HOMER2: variants seen among roughly 807,000 people sequenced by gnomAD.
HOMER2 encodes homer scaffold protein 2, also known as homer protein homolog 2.
Under a neutral mutation model 47.0 loss-of-function variants are expected in HOMER2, and 27 were observed. That is an observed-to-expected ratio of 0.57 (90% confidence interval 0.42 to 0.79). The LOEUF (loss-of-function observed/expected upper bound fraction) is 0.79. Ranked by LOEUF, HOMER2 falls within the 30% of genes least tolerant of loss-of-function variation. The probability of loss-of-function intolerance (pLI) is 0.00; values close to 1 mark genes in which losing one functional copy is unlikely to be tolerated. For missense variants in HOMER2, 443 were observed against 435.0 expected (o/e 1.02, Z -0.16); for synonymous variants, 161 against 163.8 (o/e 0.98, Z 0.13).
chr15:82,979,330 T>G (rs992415572), intron 1 of HOMER2, among the ~76,000 whole-genome samples: 3 of 152,188 alleles, frequency 2.0e-5, no homozygotes, highest in Admixed American at 6.5e-5. Context: ...ACTAAGGAGC[T>G]TGGATTGTAT....
chr15:82,918,174 G>A (rs17294476), intron 1 of HOMER2, among the ~76,000 whole-genome samples: 21,188 of 152,030 alleles, frequency 0.14, 1,614 homozygotes, highest in Middle Eastern at 0.28. Flanking sequence ...AAAATCTAAC[G>A]CTTGACCCTA....
intron 1 of HOMER2, among the ~76,000 whole-genome samples, chr15:82,968,838 G>T (rs961787707): frequency 3.3e-5 from 5 of 152,144 alleles, no homozygotes; most frequent in African/African-American, 1.2e-4. Context: ...TTTCAGCTTC[G>T]AGGCTGATCA....
rs112139336 is a variant in HOMER2, at chr15:82,876,961, A to G, written c.163-1557T>C. Among the ~76,000 whole-genome samples the G allele has an allele frequency of 6.5e-4, 99 of 152,312 alleles. 1 individual carries two copies. The highest frequency in any genetic ancestry group is 2.3e-3 in the African/African-American group (94 of 41,562). ...CATTTATCTATCTATCAGACTATTG[A>G]GTTTGCTGATAAGCCACTGGCTCAA... is the stretch of plus-strand genomic sequence containing the variant. On this transcript the variant is annotated intron_variant, in intron 2 of 8. Transcript: ENST00000450735.
chr15:82,920,446 C>T lies in HOMER2; in HGVS notation c.6-27605G>A, dbSNP rs1234113012. On this transcript the variant is annotated intron_variant, in intron 1 of 8. Transcript: ENST00000450735. ...GTTGACTGGGCTGAAACCAAGGTGT[C>T]GCCAGGGCCATGCTGCCTCCAGAGG... Among the ~76,000 whole-genome samples, 7 of 152,158 alleles carry T rather than the reference C, an allele frequency of 4.6e-5. No individual in the cohort carries two copies. The South Asian group carries it at 1.2e-3, about 27-fold the overall frequency.
intron 2 of HOMER2, among the ~76,000 whole-genome samples, chr15:82,881,040 G>A (rs1410860583): frequency 6.6e-6 from 1 of 152,172 alleles, no homozygotes; most frequent in Non-Finnish European, 1.5e-5. Flanking sequence ...CTGGGGGAAG[G>A]AACCAAAGCC....
chr15:82,873,669 C>T (rs1368926919), intron 3 of HOMER2, among the ~76,000 whole-genome samples: 1 of 152,194 alleles, frequency 6.6e-6, no homozygotes, highest in Non-Finnish European at 1.5e-5. Context: ...GAGGTTTTAG[C>T]ACCCAGGAAA....
chr15:82,927,660 C>G (rs1360442138), intron 1 of HOMER2, among the ~76,000 whole-genome samples: 1 of 152,146 alleles, frequency 6.6e-6, no homozygotes, highest in Admixed American at 6.5e-5. Flanking sequence ...AATGGAGGAG[C>G]AAAGTTAGGA....
At chr15:82,874,287 C>T (rs2052272383) in intron 3 of HOMER2, among the ~76,000 whole-genome samples, 1 of 152,320 alleles carries the variant, frequency 6.6e-6, no homozygotes, top group East Asian at 1.9e-4. Context: ...CCTGGGTTTG[C>T]AGCTCTCTCC....
intron 2 of HOMER2, among the ~76,000 whole-genome samples, chr15:82,878,212 G>A (rs1266086968): frequency 6.6e-6 from 1 of 152,184 alleles, no homozygotes; most frequent in Non-Finnish European, 1.5e-5. Context: ...CAGAGTATAG[G>A]ATATGGCTCT....
intron 1 of HOMER2, among the ~76,000 whole-genome samples, chr15:82,980,678 C>G (rs777308304): frequency 3.3e-5 from 5 of 152,136 alleles, no homozygotes; most frequent in Non-Finnish European, 7.3e-5. Context: ...AGTGGACAAT[C>G]ATGAGAAACT....
At chr15:82,921,457 T>C (rs770188317) in intron 1 of HOMER2, among the ~76,000 whole-genome samples, 10 of 152,140 alleles carry the variant, frequency 6.6e-5, no homozygotes, top group Non-Finnish European at 1.3e-4. Context: ...TCTGAGCTGA[T>C]ACCATGCTTC....
At chr15:82,874,008 T>C (rs942046888) in intron 3 of HOMER2, among the ~76,000 whole-genome samples, 3 of 152,176 alleles carry the variant, frequency 2.0e-5, no homozygotes, top group Admixed American at 6.5e-5. Context: ...AATTTCCCCC[T>C]CTTTGAAAAC....
At chr15:82,904,134 C>CAAAACAAA (rs1429201182) in intron 1 of HOMER2, among the ~76,000 whole-genome samples, 3 of 151,920 alleles carry the variant, frequency 2.0e-5, no homozygotes, top group Non-Finnish European at 4.4e-5. Flanking sequence ...GAGACTGGCT[C>CAAAACAAA]AAAACAAAAA....
chr15:82,969,191 C>T (rs147648912), intron 1 of HOMER2, among the ~76,000 whole-genome samples: 89 of 152,276 alleles, frequency 5.8e-4, no homozygotes, highest in African/African-American at 1.9e-3. Flanking sequence ...GGAAAACAGC[C>T]TACTGCATGG....
chr15:82,903,405 G>C (rs922987445), intron 1 of HOMER2, among the ~76,000 whole-genome samples: 6 of 152,026 alleles, frequency 3.9e-5, no homozygotes, highest in African/African-American at 1.4e-4. Context: ...CTGAGGTCGG[G>C]AGTTTGAGAC....
intron 2 of HOMER2, among the ~76,000 whole-genome samples, chr15:82,879,155 G>T (rs1334207188): frequency 6.6e-6 from 1 of 152,170 alleles, no homozygotes; most frequent in Non-Finnish European, 1.5e-5. Flanking sequence ...GACTCTGGGA[G>T]TATTCTCCTT....
At chr15:82,985,151 A>T (rs146040881) in intron 1 of HOMER2, among the ~76,000 whole-genome samples, 9 of 152,368 alleles carry the variant, frequency 5.9e-5, no homozygotes, top group African/African-American at 2.2e-4. Flanking sequence ...TAATTTATGC[A>T]TGACGTACTT....
intron 3 of HOMER2, among the ~76,000 whole-genome samples, chr15:82,873,310 G>A (rs911560545): frequency 2.0e-5 from 3 of 152,138 alleles, no homozygotes; most frequent in Admixed American, 6.5e-5. Flanking sequence ...ACTGTGGACC[G>A]CCATGCCTCT....
At chr15:82,852,371 A>G (rs910340293) in intron 6 of HOMER2, 119 bp from the exon 7 acceptor site, 24 of 706,656 alleles carry the variant, frequency 3.4e-5, no homozygotes, top group Non-Finnish European at 4.9e-5. Context: ...TAATCCACTT[A>G]TAAGATTTTC....
Sources: gnomAD v4.1 joint callset for allele counts (sites outside exome capture counted in the v4.1 genomes callset) on GRCh38, gnomAD v4.1.1 for gene constraint, MANE v1.5 for transcripts, NCBI Gene and HGNC (gene_info 2026-07-23, HGNC 2026-07-21) for gene names.